KCNMA1: variants seen among roughly 807,000 people sequenced by gnomAD.
KCNMA1 encodes Calcium-activated potassium channel subunit alpha-1.
KCNMA1 carries 29 observed loss-of-function variants against 140.0 expected under a neutral mutation model. The observed-to-expected ratio is 0.21, with a 90% CI of 0.15 to 0.28. The LOEUF is 0.28. Among genes scored for constraint, KCNMA1 ranks in the 10% least tolerant of loss-of-function variants. The probability of loss-of-function intolerance (pLI) is 1.00; values close to 1 mark genes in which losing one functional copy is unlikely to be tolerated. For synonymous variants in KCNMA1, 612 were observed against 611.9 expected (o/e 1.00, Z 0.00); for missense variants, 880 against 1,602.2 (o/e 0.55, Z 7.70).
At chr10:77,584,101 C>T (rs2076586722) in intron 1 of KCNMA1, among the ~76,000 whole-genome samples, 1 of 152,178 alleles carries the variant, frequency 6.6e-6, no homozygotes, top group Non-Finnish European at 1.5e-5. Flanking sequence ...TTCTTCAGTT[C>T]TTAGCTCAGT....
At chr10:77,123,097 G>C (rs1020265278) in intron 5 of KCNMA1, among the ~76,000 whole-genome samples, 7 of 145,930 alleles carry the variant, frequency 4.8e-5, no homozygotes, top group African/African-American at 1.8e-4. Context: ...GGAGAATGGC[G>C]TGTACCCGGG....
At chr10:77,499,542 G>GA (rs1306457704) in intron 1 of KCNMA1, among the ~76,000 whole-genome samples, 8 of 149,536 alleles carry the variant, frequency 5.3e-5, no homozygotes, top group African/African-American at 1.2e-4. Flanking sequence ...GATTATCTAT[G>GA]AAAAAAAAAG....
rs142366911 is a variant in KCNMA1 at position 77,593,913 on chromosome 10, C to T, written c.378+43352G>A. Among the ~76,000 whole-genome samples the T allele has an allele frequency of 3.1e-3, 465 of 152,326 alleles. 4 individuals carry two copies. The highest frequency in any genetic ancestry group is 5.2e-3 in the Admixed American group (79 of 15,304). On this transcript the variant is annotated intron_variant, in intron 1 of 27. Transcript: ENST00000286628. ...CAAATTGTGCCCAGAGCTGCCTTGGCTCGGTCCATCCATTGGGCTCCTGGG... is the reference window on the plus strand; with the variant it reads ...CAAATTGTGCCCAGAGCTGCCTTGGTTCGGTCCATCCATTGGGCTCCTGGG...
At chr10:77,130,123 A>G (rs1196916648) in intron 5 of KCNMA1, among the ~76,000 whole-genome samples, 1 of 152,216 alleles carries the variant, frequency 6.6e-6, no homozygotes, top group African/African-American at 2.4e-5. Context: ...AAGCACAAAA[A>G]TAAAGTAGAA....
At chr10:77,209,923 C>A (rs1195259595) in intron 3 of KCNMA1, among the ~76,000 whole-genome samples, 11 of 142,902 alleles carry the variant, frequency 7.7e-5, no homozygotes. Context: ...AAAAAACCTA[C>A]CAACCAAAAA....
intron 2 of KCNMA1, among the ~76,000 whole-genome samples, chr10:77,302,269 A>G (rs1407707968): frequency 6.6e-6 from 1 of 152,150 alleles, no homozygotes; most frequent in Non-Finnish European, 1.5e-5. Flanking sequence ...TCTGAGCTCC[A>G]GGAGCTATTG....
chr10:77,001,572 A>C lies in KCNMA1; in HGVS notation c.2101T>G (p.Ser701Ala), dbSNP rs78236929. The C allele has an allele frequency of 6.4e-7, 1 of 1,551,450 alleles. No individual in the cohort carries two copies. Among genetic ancestry groups the C allele is most frequent in the Non-Finnish European group, 8.7e-7 (1 of 1,146,454 alleles). ...KKCGCKRPKM[S>A]IYKRMRRACC... The stretch of plus-strand genomic sequence containing the variant: ...GCCCGTCTCATTCTCTTGTAGATGG[A>C]CATCTTGGCTATAACCGTGTGGTTG... Residue 701 changes from serine to alanine, a missense_variant, in exon 19 of 28, where the codon TCC (serine) becomes GCC (alanine). Ser to Ala is a moderately conservative substitution (Grantham distance 99). Transcript: ENST00000286628.
At position 77,420,310 on chromosome 10, in the gene KCNMA1, C is replaced by T. The variant is rs577162654; in HGVS notation, c.379-16287G>A. 8.5e-5 allele frequency among the ~76,000 whole-genome samples: 13 copies of T among 152,370 alleles called. No homozygotes were observed. The South Asian group carries it at 1.4e-3, about 17-fold the overall frequency. Reference sequence around the variant, plus strand: ...CTCCCCTAGCCTCCCCTGCACCCACCGGAGGCTGTTAATAGACCTGTCATT... The same window carrying T: ...CTCCCCTAGCCTCCCCTGCACCCACTGGAGGCTGTTAATAGACCTGTCATT... On this transcript the variant is annotated intron_variant, in intron 1 of 27. Coordinates refer to ENST00000286628, the MANE Select transcript of KCNMA1 (RefSeq NM_001161352.2).
At chr10:76,936,724 A>C (rs1296505968) in intron 23 of KCNMA1, among the ~76,000 whole-genome samples, 1 of 152,146 alleles carries the variant, frequency 6.6e-6, no homozygotes, top group Non-Finnish European at 1.5e-5. Flanking sequence ...GGCTTGTAGA[A>C]GTGGGAGAAG....
At chr10:76,890,589 T>C (rs908178968) in intron 26 of KCNMA1, among the ~76,000 whole-genome samples, 13 of 152,230 alleles carry the variant, frequency 8.5e-5, no homozygotes, top group African/African-American at 2.7e-4. Context: ...TATGCAGCAC[T>C]GTTTCAGAAA....
intron 17 of KCNMA1, chr10:77,012,690 C>T: frequency 1.4e-6 from 1 of 722,956 alleles, no homozygotes; most frequent in Non-Finnish European, 2.3e-6. Flanking sequence ...AGAACATGCA[C>T]TAAATGATGG....
At chr10:77,427,823 C>T (rs1247129535) in intron 1 of KCNMA1, among the ~76,000 whole-genome samples, 3 of 151,862 alleles carry the variant, frequency 2.0e-5, no homozygotes, top group Non-Finnish European at 2.9e-5. Context: ...GATCTCGGCT[C>T]ACTGCTGCAA....
chr10:77,613,838 A>G (rs1393728733), intron 1 of KCNMA1, among the ~76,000 whole-genome samples: 3 of 152,210 alleles, frequency 2.0e-5, no homozygotes, highest in Non-Finnish European at 4.4e-5. Context: ...TAGAGAAGAA[A>G]AAAATGAATT....
intron 3 of KCNMA1, among the ~76,000 whole-genome samples, chr10:77,194,610 G>A (rs1047789308): frequency 3.9e-5 from 6 of 152,042 alleles, no homozygotes; most frequent in African/African-American, 9.7e-5. Flanking sequence ...TGACAGTTGC[G>A]GATAATGAGA....
intron 16 of KCNMA1, among the ~76,000 whole-genome samples, chr10:77,024,259 G>T (rs1445117627): frequency 1.3e-5 from 2 of 152,114 alleles, no homozygotes; most frequent in African/African-American, 4.8e-5. Flanking sequence ...GCAAAGTGTT[G>T]CAGTAACTTC....
chr10:77,329,373 G>C (rs1266770596), intron 2 of KCNMA1, among the ~76,000 whole-genome samples: 2 of 152,184 alleles, frequency 1.3e-5, no homozygotes, highest in Non-Finnish European at 2.9e-5. Flanking sequence ...GTCATGAGAA[G>C]GATCTCTCAT....
Position 77,637,787 on chromosome 10 carries a change from G to T in KCNMA1, c.-145C>A, listed in dbSNP as rs2093917853. ...GAGCGCGGGAGGGGGGCGGGGAGGC[G>T]CCTGGGCTCGGGGCGCTGTGCGCGA... On this transcript the variant is annotated 5_prime_UTR_variant, in exon 1 of 28. Transcript: ENST00000286628. 3 of 1,271,748 alleles carry T rather than the reference G, an allele frequency of 2.4e-6. No individual in the cohort carries two copies. The highest frequency in any genetic ancestry group is 2.9e-5 in the South Asian group (1 of 34,156). The allele number at this position is 1,271,748 out of a possible 1,614,324, so 78.8% of individuals were successfully genotyped here. A position where few individuals can be genotyped will look rare whatever the true frequency, so the allele number is the denominator to read the frequency against.
intron 1 of KCNMA1, among the ~76,000 whole-genome samples, chr10:77,534,333 T>C (rs2058366754): frequency 6.6e-6 from 1 of 152,116 alleles, no homozygotes; most frequent in Non-Finnish European, 1.5e-5. Context: ...TTATAGTAAC[T>C]GGGAGGCAGA....
Position 76,891,523 on chromosome 10 carries a change from A to C in KCNMA1, c.3342+2T>G. The C allele has an allele frequency of 6.2e-7, 1 of 1,612,084 alleles. No homozygotes were observed. Among genetic ancestry groups the C allele is most frequent in the Non-Finnish European group, 8.5e-7 (1 of 1,179,424 alleles). ...CAGGTGACCTCGGTGCTGTGGACTC[A>C]CCCCTAAGTCCGCAAATGGCCCATC... On this transcript the variant is annotated splice_donor_variant, in intron 26 of 27. Transcript: ENST00000286628. LOFTEE classifies it high-confidence loss of function.
Sources: gnomAD v4.1 joint callset for allele counts (sites outside exome capture counted in the v4.1 genomes callset) on GRCh38, gnomAD v4.1.1 for gene constraint, MANE v1.5 for transcripts, NCBI Gene and HGNC (gene_info 2026-07-23, HGNC 2026-07-21) for gene names.